FMN1: variants seen among roughly 807,000 people sequenced by gnomAD.
The protein encoded by FMN1 is formin-1.
FMN1 carries 110 observed loss-of-function variants against 132.4 expected under a neutral mutation model. The observed-to-expected ratio is 0.83, with a 90% CI of 0.71 to 0.97. The LOEUF (loss-of-function observed/expected upper bound fraction) is 0.97, where lower values mean the gene tolerates loss of function less well. FMN1 is among the 50% of genes least tolerant of loss of function. The pLI, the probability that FMN1 is intolerant of heterozygous loss-of-function variation, is 0.00. For missense variants in FMN1, 1,792 were observed against 1,705.3 expected (o/e 1.05, Z -0.90); for synonymous variants, 722 against 651.7 (o/e 1.11, Z -1.64).
At chr15:33,181,707 C>CTTTTTTTTTT (rs753993602) in intron 2 of FMN1, among the ~76,000 whole-genome samples, 2 of 126,216 alleles carry the variant, frequency 1.6e-5, no homozygotes, top group Non-Finnish European at 3.3e-5. Flanking sequence ...TTTTTTCTTT[C>CTTTTTTTTTT]TTTTTTTTTT....
chr15:32,889,801 G>GT (rs2059982030), intron 15 of FMN1, among the ~76,000 whole-genome samples: 3 of 152,118 alleles, frequency 2.0e-5, no homozygotes, highest in African/African-American at 7.2e-5. Flanking sequence ...AAGTTATTGG[G>GT]GTAGAGGTGG....
chr15:32,792,376 T>C (rs1267790598), intron 19 of FMN1, among the ~76,000 whole-genome samples: 3 of 149,770 alleles, frequency 2.0e-5, no homozygotes, highest in East Asian at 3.9e-4. Context: ...ACCCGGAAGG[T>C]GGAGCTTGTA....
chr15:33,171,930 C>T (rs1288220709), intron 3 of FMN1, among the ~76,000 whole-genome samples: 1 of 152,136 alleles, frequency 6.6e-6, no homozygotes, highest in Non-Finnish European at 1.5e-5. Context: ...GTGTTTTTGG[C>T]CGGGCGCGGT....
intron 12 of FMN1, among the ~76,000 whole-genome samples, chr15:32,906,409 G>A (rs995835653): frequency 1.3e-5 from 2 of 152,140 alleles, no homozygotes; most frequent in African/African-American, 2.4e-5. Context: ...AATGTCATTG[G>A]GGCACAGCGA....
intron 6 of FMN1, among the ~76,000 whole-genome samples, chr15:33,054,160 T>A (rs2037109403): frequency 6.6e-6 from 1 of 152,192 alleles, no homozygotes; most frequent in South Asian, 2.1e-4. Context: ...TGAAATGGGC[T>A]CATTGAATAA....
At chr15:32,878,788 T>C (rs1393817293) in intron 16 of FMN1, among the ~76,000 whole-genome samples, 4 of 152,226 alleles carry the variant, frequency 2.6e-5, no homozygotes, top group Non-Finnish European at 5.9e-5. Flanking sequence ...GACTTTTCTA[T>C]GATTGCAGCT....
intron 2 of FMN1, among the ~76,000 whole-genome samples, chr15:33,185,078 T>C (rs1332008556): frequency 6.6e-6 from 1 of 152,246 alleles, no homozygotes; most frequent in Non-Finnish European, 1.5e-5. Flanking sequence ...GTGGATTTCC[T>C]TGTCCTTCTT....
intron 6 of FMN1, among the ~76,000 whole-genome samples, chr15:33,019,196 C>G (rs1443262906): frequency 2.6e-5 from 4 of 152,154 alleles, no homozygotes; most frequent in Admixed American, 2.6e-4. Flanking sequence ...TTGGTGCATT[C>G]ACAATCCCTG....
At chr15:32,925,000 G>A (rs2060923247) in intron 10 of FMN1, among the ~76,000 whole-genome samples, 1 of 152,132 alleles carries the variant, frequency 6.6e-6, no homozygotes, top group African/African-American at 2.4e-5. Context: ...GTTTTCATGC[G>A]AGACACAGAT....
At chr15:33,152,739 C>T (rs565041191) in intron 4 of FMN1, among the ~76,000 whole-genome samples, 60 of 128,072 alleles carry the variant, frequency 4.7e-4, no homozygotes, top group Middle Eastern at 9.3e-3. Context: ...TTCCTGTTTT[C>T]CTTTGAGAGT....
intron 15 of FMN1, among the ~76,000 whole-genome samples, chr15:32,891,424 A>G (rs560607130): frequency 6.6e-6 from 1 of 152,276 alleles, no homozygotes; most frequent in East Asian, 1.9e-4. Context: ...ATTTATTTTT[A>G]GTAGAGACGG....
At chr15:32,986,512 GA>G in intron 7 of FMN1, among the ~76,000 whole-genome samples, 1 of 152,146 alleles carries the variant, frequency 6.6e-6, no homozygotes, top group Admixed American at 6.5e-5. Context: ...CATAGATTAA[GA>G]AAAATGTAAA....
At chr15:33,140,793 A>C (rs575054527) in intron 4 of FMN1, among the ~76,000 whole-genome samples, 1 of 152,344 alleles carries the variant, frequency 6.6e-6, no homozygotes, top group South Asian at 2.1e-4. Flanking sequence ...GAAGTAAAGG[A>C]AGGAAGCAAA....
chr15:32,945,262 G>C (rs1450976318), intron 9 of FMN1, among the ~76,000 whole-genome samples: 5 of 152,138 alleles, frequency 3.3e-5, no homozygotes, highest in African/African-American at 1.2e-4. Flanking sequence ...CTGATTTCCA[G>C]AGGTTTTTCC....
At position 32,864,289 on chromosome 15, in the gene FMN1, T is replaced by C. The variant is rs540401050; in HGVS notation, c.3836-7182A>G. Among the ~76,000 whole-genome samples, 8 of 152,202 alleles carry C rather than the reference T, an allele frequency of 5.3e-5. No homozygotes were observed. The East Asian group carries it at 1.5e-3, about 29-fold the overall frequency. Reference sequence around the variant, plus strand: ...GCAGGGTTAAGAGTAGGGAGTGGTATTACTGGAAATCACAGGGTGAGGATA... The same window carrying C: ...GCAGGGTTAAGAGTAGGGAGTGGTACTACTGGAAATCACAGGGTGAGGATA... On this transcript the variant is annotated intron_variant, in intron 16 of 20. Transcript: ENST00000616417.
At chr15:32,824,115 G>A (rs993738989) in intron 17 of FMN1, among the ~76,000 whole-genome samples, 1 of 152,246 alleles carries the variant, frequency 6.6e-6, no homozygotes, top group Non-Finnish European at 1.5e-5. Context: ...ATAGTGTAAT[G>A]TACCCCCCGT....
At chr15:32,915,944 G>A (rs912355138) in intron 10 of FMN1, among the ~76,000 whole-genome samples, 2 of 152,204 alleles carry the variant, frequency 1.3e-5, no homozygotes, top group African/African-American at 4.8e-5. Context: ...TTAAAAATCT[G>A]TTACTTGGTC....
intron 16 of FMN1, 49 bp downstream of exon 16, chr15:32,888,123 T>G: frequency 6.6e-7 from 1 of 1,512,662 alleles, no homozygotes; most frequent in Non-Finnish European, 8.9e-7. Context: ...AAAACATTTT[T>G]TAAAAGTAAT....
rs543506908 is a variant in FMN1 at position 32,801,608 on chromosome 15, C to A, written c.3981-2655G>T. On this transcript the variant is annotated intron_variant, in intron 18 of 20. Coordinates refer to ENST00000616417, the MANE Select transcript of FMN1 (RefSeq NM_001277313.2). The stretch of plus-strand genomic sequence containing the variant: ...GCTGAAACCCCATCTCTACTAAAAA[C>A]AAAAACAAAAAAACAAAAACAAACA... Among the ~76,000 whole-genome samples the A allele has an allele frequency of 1.3e-3, 200 of 151,148 alleles. 2 individuals are homozygous for A. The South Asian group carries it at 0.021, about 16-fold the overall frequency.
Sources: allele counts gnomAD v4.1 joint callset (sites outside exome capture counted in the v4.1 genomes callset), GRCh38; gene constraint gnomAD v4.1.1; transcripts MANE v1.5; gene names NCBI Gene and HGNC (gene_info 2026-07-23, HGNC 2026-07-21).